Variants in EDEM2 observed in about 807,000 individuals in gnomAD.
EDEM2 encodes ER degradation-enhancing alpha-mannosidase-like protein 2.
A neutral mutation model predicts 64.8 loss-of-function variants in EDEM2; 39 were observed. That is an observed-to-expected ratio of 0.60 (90% CI 0.47 to 0.79). EDEM2 has a LOEUF of 0.79. Ranked by LOEUF, EDEM2 falls within the 30% of genes least tolerant of loss-of-function variation. EDEM2 has a pLI of 0.00. For missense variants in EDEM2, 609 were observed against 731.3 expected (o/e 0.83, Z 1.93); for synonymous variants, 296 against 291.5 (o/e 1.02, Z -0.16).
At chr20:35,122,665 T>C (rs192857556) in intron 9 of EDEM2, among the ~76,000 whole-genome samples, 5 of 152,294 alleles carry the variant, frequency 3.3e-5, no homozygotes, top group Admixed American at 1.3e-4. Flanking sequence ...TGAGCCACCA[T>C]GCCCAACCAA....
Position 35,124,047 on chromosome 20 carries a change from G to C in EDEM2, c.970-13C>G. ...CTCCAATGAGGCTCTGTGGGAGAAAGTGGCTGTCAGGCAGGTAGACACCAG... is the reference window on the plus strand; with the variant it reads ...CTCCAATGAGGCTCTGTGGGAGAAACTGGCTGTCAGGCAGGTAGACACCAG... On this transcript the variant is annotated splice_polypyrimidine_tract_variant and intron_variant, in intron 8 of 10. Transcript: ENST00000374492. 1 of 1,608,988 alleles carries C rather than the reference G, an allele frequency of 6.2e-7. No homozygotes were observed. The highest frequency in any genetic ancestry group is 2.2e-5 in the East Asian group (1 of 44,766).
intron 4 of EDEM2, 126 bp downstream of exon 4, chr20:35,142,247 C>T (rs560557929): frequency 4.7e-5 from 33 of 702,534 alleles, no homozygotes; most frequent in Admixed American, 3.7e-4. Context: ...AGAGCTCTGT[C>T]GGTCAGAGGT....
In EDEM2 at chr20:35,115,645, TGAGAGAGTAG is replaced by T. The variant is rs1569172341; in HGVS notation, c.1515_1524del (p.Phe505LeufsTer68). 6.2e-7 allele frequency: 1 copy of T among 1,614,188 alleles called. No homozygotes were observed. On this transcript the variant is annotated frameshift_variant, in exon 11 of 11. Coordinates refer to ENST00000374492, the MANE Select transcript of EDEM2 (RefSeq NM_018217.3). LOFTEE classifies it high-confidence loss of function. ...TTCTGAAATTTCGACCTGCTCCGTT[TGAGAGAGTAG>T]AATTCCCTCATCAAGTCCTCCACCT...
At chr20:35,127,077 A>G (rs2085443764) in intron 7 of EDEM2, among the ~76,000 whole-genome samples, 1 of 152,164 alleles carries the variant, frequency 6.6e-6, no homozygotes, top group Non-Finnish European at 1.5e-5. Context: ...ATGGTAGTGA[A>G]TAAGTCTCAC....
chr20:35,124,956 T>C lies in EDEM2; in HGVS notation c.970-922A>G, dbSNP rs1247088482. 3.3e-5 allele frequency among the ~76,000 whole-genome samples: 5 copies of C among 152,296 alleles called. No individual in the cohort carries two copies. The South Asian group carries it at 6.2e-4, about 19-fold the overall frequency. On this transcript the variant is annotated intron_variant, in intron 8 of 10. Coordinates refer to ENST00000374492, the MANE Select transcript of EDEM2 (RefSeq NM_018217.3). Reference sequence around the variant, plus strand: ...ATTAGGATCACTGGGTCAAAGGATATATGCATTTATAATTTTACCACTATT... The same window carrying C: ...ATTAGGATCACTGGGTCAAAGGATACATGCATTTATAATTTTACCACTATT...
At chr20:35,123,268 C>A (rs1050214252) in intron 9 of EDEM2, among the ~76,000 whole-genome samples, 1 of 152,144 alleles carries the variant, frequency 6.6e-6, no homozygotes, top group Non-Finnish European at 1.5e-5. Flanking sequence ...TCAACCTTGG[C>A]CTTTTCCTTC....
chr20:35,126,829 T>G (rs1235206630), intron 7 of EDEM2, among the ~76,000 whole-genome samples: 1 of 152,114 alleles, frequency 6.6e-6, no homozygotes, highest in Non-Finnish European at 1.5e-5. Flanking sequence ...GGAGAATTGC[T>G]TGAACCCAGG....
rs2085745717 is a variant in EDEM2 at position 35,147,137 on chromosome 20, C to T, written c.107+15G>A. The T allele has an allele frequency of 6.3e-7, 1 of 1,596,760 alleles. No individual in the cohort carries two copies. The highest frequency in any genetic ancestry group is 8.6e-7 in the Non-Finnish European group (1 of 1,169,386). The stretch of plus-strand genomic sequence containing the variant: ...TTCCCATTCCCCAACTGCGAAAGGG[C>T]GGGTCACAGTTCACCTGTAGTGGGC... On this transcript the variant is annotated intron_variant, in intron 1 of 10. Coordinates refer to ENST00000374492, the MANE Select transcript of EDEM2 (RefSeq NM_018217.3).
chr20:35,137,289 G>A (rs2085589818), intron 5 of EDEM2, among the ~76,000 whole-genome samples: 1 of 152,044 alleles, frequency 6.6e-6, no homozygotes, highest in African/African-American at 2.4e-5. Flanking sequence ...CATGGTGGCA[G>A]GCGCCTGTAA....
chr20:35,123,507 G>A (rs13038059), intron 9 of EDEM2, among the ~76,000 whole-genome samples: 13 of 152,036 alleles, frequency 8.6e-5, no homozygotes, highest in East Asian at 3.9e-4. Flanking sequence ...CAGGAGAATC[G>A]CTTGAACCCA....
intron 5 of EDEM2, among the ~76,000 whole-genome samples, chr20:35,137,109 A>G (rs536819954): frequency 6.6e-6 from 1 of 152,258 alleles, no homozygotes; most frequent in Non-Finnish European, 1.5e-5. Flanking sequence ...CTCATTTGAT[A>G]GATGGGGAAA....
In EDEM2 at chr20:35,124,301, G is replaced by C. The variant is rs17092312; in HGVS notation, c.970-267C>G. 4.9e-3 allele frequency among the ~76,000 whole-genome samples: 752 copies of C among 152,276 alleles called. 30 individuals are homozygous for C. The highest frequency in any genetic ancestry group is 0.042 in the Admixed American group (648 of 15,280). On this transcript the variant is annotated intron_variant, in intron 8 of 10. Coordinates refer to ENST00000374492, the MANE Select transcript of EDEM2 (RefSeq NM_018217.3). ...CCCTAAATCTTCAGAGTCAATGTCAGCTAACAGTTTTGGAATTCGGCCAGC... is the reference window on the plus strand; with the variant it reads ...CCCTAAATCTTCAGAGTCAATGTCACCTAACAGTTTTGGAATTCGGCCAGC...
chr20:35,132,369 C>G (rs192618030), intron 6 of EDEM2, among the ~76,000 whole-genome samples: 151 of 151,870 alleles, frequency 9.9e-4, no homozygotes, highest in African/African-American at 3.5e-3. Flanking sequence ...ATTGGCAATG[C>G]CGGCCAGGCG....
chr20:35,123,399 C>A (rs1034559676), intron 9 of EDEM2, among the ~76,000 whole-genome samples: 6 of 152,078 alleles, frequency 3.9e-5, no homozygotes, highest in Admixed American at 2.6e-4. Context: ...TCAAGACCAG[C>A]CTGACCAACA....
intron 5 of EDEM2, 61 bp from the exon 6 acceptor site, chr20:35,135,010 C>T (rs558643248): frequency 6.5e-7 from 1 of 1,540,534 alleles, no homozygotes; most frequent in Non-Finnish European, 8.9e-7. Flanking sequence ...AGTTCTGATA[C>T]ACGCCCAAAG....
chr20:35,130,338 G>A (rs913688696), intron 7 of EDEM2, among the ~76,000 whole-genome samples: 1 of 152,010 alleles, frequency 6.6e-6, no homozygotes, highest in African/African-American at 2.4e-5. Context: ...CCAAAGCACT[G>A]GGATTAAAGG....
chr20:35,146,956 C>A, intron 1 of EDEM2, 21 bp from the exon 2 acceptor site: 1 of 1,608,394 alleles, frequency 6.2e-7, no homozygotes, highest in South Asian at 1.1e-5. Context: ...GACGAGAAAT[C>A]AGGCATGGGG....
chr20:35,123,678 G>A (rs180911188), intron 9 of EDEM2, among the ~76,000 whole-genome samples: 123 of 152,302 alleles, frequency 8.1e-4, no homozygotes, highest in African/African-American at 2.8e-3. Flanking sequence ...AGCCAGAGGC[G>A]AGCCATTTCA....
chr20:35,134,499 C>T (rs527377102), intron 6 of EDEM2, among the ~76,000 whole-genome samples: 13 of 152,280 alleles, frequency 8.5e-5, no homozygotes, highest in African/African-American at 3.1e-4. Flanking sequence ...CAGAGAATCT[C>T]AACTGGTCAA....
Sources: allele counts gnomAD v4.1 joint callset (sites outside exome capture counted in the v4.1 genomes callset), GRCh38; gene constraint gnomAD v4.1.1; transcripts MANE v1.5; gene names NCBI Gene and HGNC (gene_info 2026-07-23, HGNC 2026-07-21).